STX18: variants seen among roughly 807,000 people sequenced by gnomAD.
STX18 encodes syntaxin-18.
A neutral mutation model predicts 50.1 loss-of-function variants in STX18; 40 were observed. The observed-to-expected ratio is 0.80, with a 90% confidence interval of 0.62 to 1.04. The LOEUF is 1.04. Ranked by LOEUF, STX18 falls within the 50% of genes least tolerant of loss-of-function variation. The pLI is 0.00. For missense variants in STX18, 410 were observed against 415.8 expected, an observed-to-expected ratio of 0.99 and a Z score of 0.12; for synonymous variants, 158 against 151.8, an observed-to-expected ratio of 1.04 and a Z score of -0.30.
chr4:4,541,258 T>C (rs1276526738), intron 1 of STX18, among the ~76,000 whole-genome samples: 1 of 152,212 alleles, frequency 6.6e-6, no homozygotes, highest in Admixed American at 6.5e-5. Context: ...TTGAGGTGAC[T>C]GTAACACTGT....
intron 1 of STX18, among the ~76,000 whole-genome samples, chr4:4,524,028 G>A (rs575671911): frequency 6.6e-6 from 1 of 152,240 alleles, no homozygotes; most frequent in African/African-American, 2.4e-5. Flanking sequence ...TTAGTTATGT[G>A]CCTCTAAGTC....
chr4:4,447,592 C>CAAAAAAAAAAAAAAAAAAA (rs34300930), intron 5 of STX18, among the ~76,000 whole-genome samples: 3 of 45,878 alleles, frequency 6.5e-5, no homozygotes, highest in Non-Finnish European at 8.0e-5. Context: ...CTCCGTCTCA[C>CAAAAAAAAAAAAAAAAAAA]AAAAAAAAAA....
At chr4:4,469,310 T>G (rs113402345) in intron 2 of STX18, among the ~76,000 whole-genome samples, 4 of 152,152 alleles carry the variant, frequency 2.6e-5, no homozygotes, top group African/African-American at 9.7e-5. Context: ...AAAAAATATG[T>G]GACAGAAACC....
chr4:4,541,750 A>C, intron 1 of STX18, 47 bp downstream of exon 1: 3 of 1,561,962 alleles, frequency 1.9e-6, no homozygotes, highest in Non-Finnish European at 2.6e-6. Context: ...TCCCTGTCGC[A>C]GGACTGCCCC....
At chr4:4,425,459 T>C (rs1725198020) in intron 7 of STX18, 1 of 595,156 alleles carries the variant, frequency 1.7e-6, no homozygotes, top group Admixed American at 2.9e-5. Context: ...TCTCAACCAC[T>C]GCACTCCAGG....
intron 1 of STX18, among the ~76,000 whole-genome samples, chr4:4,512,390 C>G (rs1286832629): frequency 6.6e-6 from 1 of 152,016 alleles, no homozygotes; most frequent in Non-Finnish European, 1.5e-5. Context: ...AGTCTGGTTG[C>G]TACCCCTGGT....
chr4:4,533,402 ACAAT>A (rs1731189803), intron 1 of STX18, among the ~76,000 whole-genome samples: 1 of 152,232 alleles, frequency 6.6e-6, no homozygotes, highest in Non-Finnish European at 1.5e-5. Flanking sequence ...TATTCATAAT[ACAAT>A]CAATATTATA....
At chr4:4,503,693 A>G (rs1288839199) in intron 1 of STX18, among the ~76,000 whole-genome samples, 1 of 152,094 alleles carries the variant, frequency 6.6e-6, no homozygotes, top group Non-Finnish European at 1.5e-5. Flanking sequence ...CCAAGCATAA[A>G]CCGGGATAGG....
At chr4:4,453,489 T>C (rs780302797) in intron 5 of STX18, 12 of 157,544 alleles carry the variant, frequency 7.6e-5, no homozygotes, top group Non-Finnish European at 1.2e-4. Context: ...GGTATGCACA[T>C]GATTTTTTTT....
At chr4:4,447,305 C>T (rs984139689) in intron 5 of STX18, among the ~76,000 whole-genome samples, 1 of 151,938 alleles carries the variant, frequency 6.6e-6, no homozygotes, top group Non-Finnish European at 1.5e-5. Context: ...AAATGGGGCT[C>T]TGGGCCGGGC....
At position 4,459,447 on chromosome 4, in the gene STX18, G is replaced by C; in HGVS notation, c.277C>G (p.Arg93Gly). 1 of 1,614,060 alleles carries C rather than the reference G, an allele frequency of 6.2e-7. No individual in the cohort carries two copies. Among genetic ancestry groups the C allele is most frequent in the Non-Finnish European group, 8.5e-7 (1 of 1,179,996 alleles). ...SEYGRMTDTE[R>G]DQIDQDAQIF... Reference sequence around the variant, plus strand: ...TGGGCATCCTGGTCTATCTGGTCTCGTTCTGTGTCTGTCATCCTCCCATAT... The same window carrying C: ...TGGGCATCCTGGTCTATCTGGTCTCCTTCTGTGTCTGTCATCCTCCCATAT... The change falls in exon 3 of 11, where the codon CGA becomes GGA. Residue 93 changes from arginine to glycine, a missense_variant. Transcript: ENST00000306200.
chr4:4,446,846 T>A (rs920724609), intron 5 of STX18, among the ~76,000 whole-genome samples: 4 of 152,204 alleles, frequency 2.6e-5, no homozygotes, highest in African/African-American at 9.7e-5. Context: ...TAAAAGAATG[T>A]TTACAGCAGC....
intron 7 of STX18, 123 bp downstream of exon 7, chr4:4,434,647 T>C (rs1725683774): frequency 4.1e-6 from 3 of 726,812 alleles, no homozygotes; most frequent in African/African-American, 3.7e-5. Flanking sequence ...AAAATACACA[T>C]TTATAATTTT....
rs750381554 is a variant in STX18 at position 4,542,001 on chromosome 4, C to G, written c.-37G>C. The G allele has an allele frequency of 2.0e-6, 3 of 1,532,150 alleles. No individual in the cohort carries two copies. The highest frequency in any genetic ancestry group is 2.6e-5 in the East Asian group (1 of 39,124). The allele number at this position is 1,532,150 out of a possible 1,614,324, so 94.9% of individuals were successfully genotyped here. A position where few individuals can be genotyped will look rare whatever the true frequency, so the allele number is the denominator to read the frequency against. On this transcript the variant is annotated 5_prime_UTR_variant, in exon 1 of 11. Transcript: ENST00000306200. Reference sequence around the variant, plus strand: ...CCCTCAGCCCCACACTAGGCCCGCCCACGTAAGCAGCCGGCGACCGCGGCG... The same window carrying G: ...CCCTCAGCCCCACACTAGGCCCGCCGACGTAAGCAGCCGGCGACCGCGGCG...
At chr4:4,531,295 A>C (rs546971098) in intron 1 of STX18, among the ~76,000 whole-genome samples, 1 of 152,316 alleles carries the variant, frequency 6.6e-6, no homozygotes, top group African/African-American at 2.4e-5. Flanking sequence ...TGTGTTGACA[A>C]CACTTTTTCT....
intron 1 of STX18, among the ~76,000 whole-genome samples, chr4:4,478,426 T>G (rs971949995): frequency 6.6e-6 from 1 of 152,152 alleles, no homozygotes; most frequent in Non-Finnish European, 1.5e-5. Context: ...GCATTTTGAG[T>G]ATCTATCATC....
chr4:4,514,872 G>C (rs1730176304), intron 1 of STX18, among the ~76,000 whole-genome samples: 1 of 152,092 alleles, frequency 6.6e-6, no homozygotes, highest in Admixed American at 6.6e-5. Context: ...TAGTTAGGAA[G>C]ACTAATCTTT....
chr4:4,458,367 A>G lies in STX18; in HGVS notation c.353-867T>C, dbSNP rs143424139. On this transcript the variant is annotated intron_variant, in intron 3 of 10. Transcript: ENST00000306200. ...TTACTATAGGGCTGCTTAACCCAAG[A>G]TTTGTGTGGGGGACTCAGGAGCTCT... is the stretch of plus-strand genomic sequence containing the variant. 5.0e-3 allele frequency among the ~76,000 whole-genome samples: 755 copies of G among 152,248 alleles called. 12 individuals carry two copies. Among genetic ancestry groups the G allele is most frequent in the African/African-American group, 0.017 (706 of 41,524 alleles).
intron 1 of STX18, among the ~76,000 whole-genome samples, chr4:4,530,127 C>T (rs1476020620): frequency 1.3e-5 from 2 of 152,056 alleles, no homozygotes; most frequent in East Asian, 3.9e-4. Flanking sequence ...AACTCATCTG[C>T]CAGGAGTTTT....
Sources: allele counts gnomAD v4.1 joint callset (sites outside exome capture counted in the v4.1 genomes callset), GRCh38; gene constraint gnomAD v4.1.1; transcripts MANE v1.5; gene names NCBI Gene and HGNC (gene_info 2026-07-23, HGNC 2026-07-21).